The following FCHO2 variants were observed in gnomAD, a reference collection of about 807,000 sequenced individuals.
The protein encoded by FCHO2 is FCH and mu domain containing endocytic adaptor 2.
FCHO2 carries 43 observed loss-of-function variants against 114.1 expected under a neutral mutation model. The observed-to-expected ratio is 0.38, with a 90% CI of 0.30 to 0.49. FCHO2 has a LOEUF of 0.49. Ranked by LOEUF, FCHO2 falls within the 20% of genes least tolerant of loss-of-function variation. FCHO2 has a pLI of 0.97. For synonymous variants in FCHO2, 293 were observed against 315.2 expected, an observed-to-expected ratio of 0.93 and a Z score of 0.75; for missense variants, 807 against 950.4, an observed-to-expected ratio of 0.85 and a Z score of 1.98.
In FCHO2 at chr5:73,090,393, C is replaced by G. The variant is rs1743451260; in HGVS notation, c.*2303C>G. The G allele has an allele frequency of 6.6e-6, 1 of 152,534 alleles. No individual in the cohort carries two copies. The allele number at this position is 152,534 out of a possible 1,614,324, so 9.4% of individuals were successfully genotyped here. A position where few individuals can be genotyped will look rare whatever the true frequency, so the allele number is the denominator to read the frequency against. ...GTGAGTTTTAAAGGATTGTTATTTA[C>G]TACTTTGGATTGTAATTAGAACAAT... On this transcript the variant is annotated 3_prime_UTR_variant, in exon 26 of 26. Coordinates refer to ENST00000430046, the MANE Select transcript of FCHO2 (RefSeq NM_138782.3).
rs1366152508 is a variant in FCHO2 at position 72,990,703 on chromosome 5, A to G, written c.343-9A>G. ...CAGTCATTTTGATGGATCATTTCATACTAAACAGACTAAAGAAGAAGTTGC... is the reference window on the plus strand; with the variant it reads ...CAGTCATTTTGATGGATCATTTCATGCTAAACAGACTAAAGAAGAAGTTGC... On this transcript the variant is annotated splice_polypyrimidine_tract_variant and intron_variant, in intron 4 of 25. Coordinates refer to ENST00000430046, the MANE Select transcript of FCHO2 (RefSeq NM_138782.3). 2 of 1,550,350 alleles carry G rather than the reference A, an allele frequency of 1.3e-6. No homozygotes were observed. The highest frequency in any genetic ancestry group is 2.4e-5 in the East Asian group (1 of 42,022).
intron 24 of FCHO2, among the ~76,000 whole-genome samples, chr5:73,085,959 C>A (rs1474287007): frequency 6.6e-6 from 1 of 151,244 alleles, no homozygotes; most frequent in Non-Finnish European, 1.5e-5. Flanking sequence ...CCTGTCTCTA[C>A]TAAAAATACA....
chr5:73,083,551 A>C (rs1248143008), intron 24 of FCHO2, among the ~76,000 whole-genome samples: 2 of 151,926 alleles, frequency 1.3e-5, no homozygotes, highest in Admixed American at 1.3e-4. Context: ...TGTTAACGGG[A>C]TTCTCCTGAC....
At chr5:73,055,798 T>C (rs1295148247) in intron 15 of FCHO2, among the ~76,000 whole-genome samples, 1 of 152,222 alleles carries the variant, frequency 6.6e-6, no homozygotes, top group Admixed American at 6.5e-5. Flanking sequence ...GTTTCTCTTT[T>C]CTAAACAGCA....
chr5:72,996,415 A>G (rs1444651190), intron 5 of FCHO2, among the ~76,000 whole-genome samples: 2 of 152,180 alleles, frequency 1.3e-5, no homozygotes, highest in African/African-American at 2.4e-5. Context: ...GTAAATGTAA[A>G]AAGCATAATA....
At chr5:73,043,378 A>G (rs1267106063) in intron 11 of FCHO2, among the ~76,000 whole-genome samples, 2 of 152,020 alleles carry the variant, frequency 1.3e-5, no homozygotes, top group South Asian at 2.1e-4. Context: ...TTACTGTTAC[A>G]GTTATAGTAA....
At chr5:72,990,917 A>C (rs980679625) in intron 5 of FCHO2, 53 bp downstream of exon 5, 2 of 1,495,328 alleles carry the variant, frequency 1.3e-6, no homozygotes, top group Middle Eastern at 1.7e-4. Context: ...TTGACATACA[A>C]AATTGCATTT....
chr5:73,004,889 T>C lies in FCHO2; in HGVS notation c.496-1556T>C, dbSNP rs575156551. Reference sequence around the variant, plus strand: ...TGCCTAATTTATAAATTAAACTTTATCATAGTTATGTATGTATAGGAAAAA... The same window carrying C: ...TGCCTAATTTATAAATTAAACTTTACCATAGTTATGTATGTATAGGAAAAA... On this transcript the variant is annotated intron_variant, in intron 5 of 25. Transcript: ENST00000430046. Among the ~76,000 whole-genome samples the C allele has an allele frequency of 2.0e-5, 3 of 152,352 alleles. No homozygotes were observed. The South Asian group carries it at 6.2e-4, about 32-fold the overall frequency.
At chr5:73,069,917 A>C (rs1742553308) in intron 19 of FCHO2, among the ~76,000 whole-genome samples, 1 of 152,096 alleles carries the variant, frequency 6.6e-6, no homozygotes, top group Non-Finnish European at 1.5e-5. Flanking sequence ...AGGACATACA[A>C]CTTCTCATAA....
At chr5:73,078,613 T>G (rs1742993829) in intron 22 of FCHO2, among the ~76,000 whole-genome samples, 2 of 152,202 alleles carry the variant, frequency 1.3e-5, no homozygotes, top group Non-Finnish European at 2.9e-5. Flanking sequence ...AAGTTAGGAA[T>G]GGCAAAGATG....
At chr5:73,034,784 C>CT in intron 9 of FCHO2, 83 bp downstream of exon 9, 1 of 1,155,014 alleles carries the variant, frequency 8.7e-7, no homozygotes, top group Non-Finnish European at 1.2e-6. Context: ...GGAGGGACTG[C>CT]TATCCCTAGG....
At chr5:73,014,910 T>C (rs901769538) in intron 6 of FCHO2, among the ~76,000 whole-genome samples, 1 of 151,618 alleles carries the variant, frequency 6.6e-6, no homozygotes, top group African/African-American at 2.4e-5. Flanking sequence ...AACCCGTCTC[T>C]ACTAAAAATA....
At chr5:72,981,599 G>A (rs62360754) in intron 2 of FCHO2, among the ~76,000 whole-genome samples, 5,124 of 152,236 alleles carry the variant, frequency 0.034, 129 homozygotes, top group Non-Finnish European at 0.052. Context: ...TGTAGGTTTC[G>A]TGGTTTCACA....
intron 11 of FCHO2, among the ~76,000 whole-genome samples, chr5:73,045,848 A>G (rs1351469695): frequency 1.3e-5 from 2 of 152,178 alleles, no homozygotes; most frequent in Non-Finnish European, 2.9e-5. Flanking sequence ...ATGTAATGAT[A>G]TTGTCAGATT....
At chr5:72,997,235 C>T (rs1580071331) in intron 5 of FCHO2, 3 of 1,145,838 alleles carry the variant, frequency 2.6e-6, no homozygotes, top group East Asian at 2.3e-5. Context: ...TTTCTTTGTA[C>T]ATTAGAGGCC....
At position 72,990,560 on chromosome 5, in the gene FCHO2, C is replaced by A; in HGVS notation, c.283C>A (p.Gln95Lys). 1 of 1,540,556 alleles carries A rather than the reference C, an allele frequency of 6.5e-7. No homozygotes were observed. Among genetic ancestry groups the A allele is most frequent in the Non-Finnish European group, 8.7e-7 (1 of 1,145,056 alleles). Residue 95 changes from glutamine to lysine, a missense_variant, in exon 4 of 26, where the codon CAA becomes AAA. Transcript: ENST00000430046. The part of the protein sequence containing the change: ...NCHLDLVRKL[Q>K]ELIKEVQKYG... The stretch of plus-strand genomic sequence containing the variant: ...TCACTTGGATCTTGTTAGAAAATTA[C>A]AAGAATTAATAAAGGAAGTTCAGAA...
In FCHO2 at chr5:73,029,757, T is replaced by C. The variant is rs1756131185; in HGVS notation, c.797-4900T>C. ...GGGAACATGAGACAGATGGGGGAGG[T>C]CCCAGACACTCTTAAACAACCAGAT... On this transcript the variant is annotated intron_variant, in intron 8 of 25. Transcript: ENST00000430046. 2.0e-5 allele frequency among the ~76,000 whole-genome samples: 3 copies of C among 151,278 alleles called. No homozygotes were observed. In the South Asian group the frequency reaches 6.3e-4, roughly 32 times the overall value.
At chr5:73,068,509 A>G (rs1454939528) in intron 18 of FCHO2, 141 bp from the exon 19 acceptor site, 1 of 700,870 alleles carries the variant, frequency 1.4e-6, no homozygotes, top group Non-Finnish European at 2.3e-6. Context: ...GATATGATAT[A>G]TGGCATCTCT....
intron 8 of FCHO2, among the ~76,000 whole-genome samples, chr5:73,032,620 A>T (rs1756296442): frequency 6.6e-6 from 1 of 152,170 alleles, no homozygotes; most frequent in African/African-American, 2.4e-5. Flanking sequence ...TAAGATGATG[A>T]TGTAAAAGTC....
Sources: gnomAD v4.1 joint callset for allele counts (sites outside exome capture counted in the v4.1 genomes callset) on GRCh38, gnomAD v4.1.1 for gene constraint, MANE v1.5 for transcripts, NCBI Gene and HGNC (gene_info 2026-07-23, HGNC 2026-07-21) for gene names.